SYTL5: variants seen among roughly 807,000 people sequenced by gnomAD.
SYTL5 encodes synaptotagmin-like protein 5.
Under a neutral mutation model 55.9 loss-of-function variants are expected in SYTL5, and 34 were observed. The observed-to-expected ratio is 0.61, with a 90% CI of 0.46 to 0.81. The LOEUF (loss-of-function observed/expected upper bound fraction) is 0.81, where lower values mean the gene tolerates loss of function less well. SYTL5 is among the 30% of genes least tolerant of loss of function. The pLI, the probability that SYTL5 is intolerant of heterozygous loss-of-function variation, is 0.00. For synonymous variants in SYTL5, 221 were observed against 188.7 expected, an observed-to-expected ratio of 1.17 and a Z score of -1.40; for missense variants, 637 against 546.7, an observed-to-expected ratio of 1.17 and a Z score of -1.65.
At chrX:38,057,615 G>A (rs888704702) in intron 3 of SYTL5, among the ~76,000 whole-genome samples, 2 of 111,277 alleles carry the variant, frequency 1.8e-5, no homozygotes, top group African/African-American at 3.3e-5. Flanking sequence ...TTAAAGAAAC[G>A]AATCTTTTAA....
At chrX:38,084,739 A>G (rs1936628838) in intron 6 of SYTL5, among the ~76,000 whole-genome samples, 2 of 111,356 alleles carry the variant, frequency 1.8e-5, no homozygotes, top group Non-Finnish European at 3.8e-5. Flanking sequence ...GTAAAGGTAC[A>G]GATAATATTT....
At chrX:37,928,208 C>A in the SYTL5 span, among the ~76,000 whole-genome samples, 1 of 111,909 alleles carries the variant, frequency 8.9e-6, no homozygotes, top group Non-Finnish European at 1.9e-5. Context: ...TTTTGGGGGT[C>A]CTGCACCTTA....
chrX:38,109,265 C>T (rs1937298325), intron 12 of SYTL5, among the ~76,000 whole-genome samples: 1 of 111,923 alleles, frequency 8.9e-6, no homozygotes, highest in Non-Finnish European at 1.9e-5. Context: ...AAATCTCTTT[C>T]CAATGCGCTT....
At chrX:37,940,945 G>A in the SYTL5 span, among the ~76,000 whole-genome samples, 18 of 111,029 alleles carry the variant, frequency 1.6e-4, no homozygotes, top group African/African-American at 5.9e-4. Flanking sequence ...CTTTAGGGAA[G>A]GATGTTGCCT....
intron 3 of SYTL5, 45 bp from the exon 4 acceptor site, chrX:38,072,002 G>A: frequency 1.0e-6 from 1 of 952,514 alleles, no homozygotes; most frequent in East Asian, 3.1e-5. Context: ...TAATTATGTG[G>A]CTAAATAATT....
chrX:38,100,691 T>A (rs752216991), intron 9 of SYTL5, among the ~76,000 whole-genome samples: 1 of 111,531 alleles, frequency 9.0e-6, no homozygotes, highest in South Asian at 3.7e-4. Flanking sequence ...CATATACTAC[T>A]GGTTAGACTG....
chrX:38,099,532 C>T (rs1602395003), intron 9 of SYTL5, among the ~76,000 whole-genome samples: 2 of 111,293 alleles, frequency 1.8e-5, no homozygotes, highest in Non-Finnish European at 3.8e-5. Context: ...TGCAAACAGA[C>T]AATTTTACTT....
At chrX:37,992,875 G>A in the SYTL5 span, among the ~76,000 whole-genome samples, 1 of 111,996 alleles carries the variant, frequency 8.9e-6, no homozygotes, top group Non-Finnish European at 1.9e-5. Context: ...AATCAGAGGT[G>A]GAGCTATTTC....
intron 1 of SYTL5, among the ~76,000 whole-genome samples, chrX:38,014,730 T>C (rs1934295515): frequency 8.9e-6 from 1 of 111,924 alleles, no homozygotes; most frequent in Non-Finnish European, 1.9e-5. Flanking sequence ...TTGCATTCTT[T>C]TGATATTTTG....
At chrX:37,953,516 C>A in the SYTL5 span, among the ~76,000 whole-genome samples, 3,076 of 111,435 alleles carry the variant, frequency 0.028, 92 homozygotes, top group African/African-American at 0.092. Flanking sequence ...TTCCCTCAGA[C>A]TCTCTGTTTT....
intron 1 of SYTL5, among the ~76,000 whole-genome samples, chrX:38,032,311 A>T (rs1311734047): frequency 4.5e-5 from 5 of 112,086 alleles, no homozygotes; most frequent in Admixed American, 9.5e-5. Context: ...CATCATTCTT[A>T]AGCAGCTTTA....
chrX:38,107,575 T>C (rs1326327428), intron 11 of SYTL5, among the ~76,000 whole-genome samples: 1 of 111,848 alleles, frequency 8.9e-6, no homozygotes, highest in Non-Finnish European at 1.9e-5. Context: ...GAGCCACTTT[T>C]ATCAGTTCTG....
intron 1 of SYTL5, among the ~76,000 whole-genome samples, chrX:38,032,599 T>A (rs2147195672): frequency 9.0e-6 from 1 of 111,704 alleles, no homozygotes; most frequent in South Asian, 3.8e-4. Context: ...TGATCTTGAA[T>A]TTCCTAATTT....
At chrX:38,046,010 T>C (rs1468274126) in intron 2 of SYTL5, among the ~76,000 whole-genome samples, 1 of 111,770 alleles carries the variant, frequency 8.9e-6, no homozygotes, top group Non-Finnish European at 1.9e-5. Flanking sequence ...ACAACAGTCA[T>C]GAATAAATAC....
intron 9 of SYTL5, among the ~76,000 whole-genome samples, chrX:38,096,482 G>A (rs1299822834): frequency 1.8e-5 from 2 of 111,243 alleles, no homozygotes. Context: ...TCAATTTCTG[G>A]CTAAAGTCTT....
the SYTL5 span, among the ~76,000 whole-genome samples, chrX:37,925,041 C>A: frequency 9.0e-6 from 1 of 110,779 alleles, no homozygotes. Context: ...CCCTTCCCAG[C>A]CTCTGATACC....
chrX:38,091,879 T>C (rs1936806218), intron 7 of SYTL5, among the ~76,000 whole-genome samples: 1 of 111,604 alleles, frequency 9.0e-6, no homozygotes, highest in Non-Finnish European at 1.9e-5. Context: ...CACCTAGATC[T>C]CTGCAACAGA....
rs983387680 is a variant in SYTL5 at position 38,094,325 on chromosome X, G to C, written c.862G>C (p.Ala288Pro). ...EYGFENSMDL[A>P]AIEGTSQELT... The stretch of plus-strand genomic sequence containing the variant: ...TGGTTTTGAAAATTCCATGGATTTG[G>C]CTGCTATTGAAGGTACCTCTCAGGA... Residue 288 changes from alanine to proline, a missense_variant, in exon 8 of 17, where the codon GCT becomes CCT. Coordinates refer to ENST00000297875, the MANE Select transcript of SYTL5 (RefSeq NM_138780.3). The C allele has an allele frequency of 8.3e-6, 10 of 1,202,359 alleles. No individual in the cohort carries two copies. Among genetic ancestry groups the C allele is most frequent in the Non-Finnish European group, 1.1e-5 (10 of 889,241 alleles).
At chrX:37,911,325 G>A in the SYTL5 span, among the ~76,000 whole-genome samples, 4 of 110,857 alleles carry the variant, frequency 3.6e-5, no homozygotes, top group Non-Finnish European at 7.5e-5. Flanking sequence ...TTAATAGGAC[G>A]AAGGATGAGA....
Sources: allele counts gnomAD v4.1 joint callset (sites outside exome capture counted in the v4.1 genomes callset), GRCh38; gene constraint gnomAD v4.1.1; transcripts MANE v1.5; gene names NCBI Gene and HGNC (gene_info 2026-07-23, HGNC 2026-07-21).